Variants in SPRED2 observed in about 807,000 individuals in gnomAD.
SPRED2 encodes sprouty related EVH1 domain containing 2.
Under a neutral mutation model 43.0 loss-of-function variants are expected in SPRED2, and 47 were observed. The observed-to-expected ratio is 1.09, with a 90% CI of 0.87 to 1.40. The LOEUF is 1.40. Ranked by LOEUF, SPRED2 falls within the 40% of genes most tolerant of loss-of-function variation. SPRED2 has a pLI of 0.00. For missense variants in SPRED2, 561 were observed against 586.4 expected, an observed-to-expected ratio of 0.96 and a Z score of 0.45; for synonymous variants, 225 against 225.7, an observed-to-expected ratio of 1.00 and a Z score of 0.03.
At chr2:65,348,444 C>CG (rs1674413483) in intron 1 of SPRED2, among the ~76,000 whole-genome samples, 1 of 150,332 alleles carries the variant, frequency 6.7e-6, no homozygotes, top group African/African-American at 2.5e-5. Context: ...AGAATGGTGT[C>CG]TTATATGTAA....
In SPRED2 at chr2:65,397,637, C is replaced by G. The variant is rs137874943; in HGVS notation, c.26+34325G>C. Among the ~76,000 whole-genome samples, 96 of 146,910 alleles carry G rather than the reference C, an allele frequency of 6.5e-4. 1 individual carries two copies. In the East Asian group the frequency reaches 0.019, roughly 29 times the overall value. ...TTTTTTTTTTTTTTTGCCCTTTACT[C>G]ACAATACAAGGTAACATATGTATAA... is the stretch of plus-strand genomic sequence containing the variant. On this transcript the variant is annotated intron_variant, in intron 1 of 5. Coordinates refer to ENST00000356388, the MANE Select transcript of SPRED2 (RefSeq NM_181784.3).
In SPRED2 at chr2:65,366,844, G is replaced by T. The variant is rs1437790607; in HGVS notation, c.27-21948C>A. On this transcript the variant is annotated intron_variant, in intron 1 of 5. Transcript: ENST00000356388. ...TGTCATTACTCACATTCAACATCCTGCTTCTCAAAAGTGGAAACTGGAAGC... is the reference window on the plus strand; with the variant it reads ...TGTCATTACTCACATTCAACATCCTTCTTCTCAAAAGTGGAAACTGGAAGC... The T allele has an allele frequency of 4.2e-6, 5 of 1,190,956 alleles. No homozygotes were observed. The African/African-American group carries it at 7.9e-5, about 19-fold the overall frequency. The allele number at this position is 1,190,956 out of a possible 1,614,324, so 73.8% of individuals were successfully genotyped here.
chr2:65,308,261 C>T (rs1672981928), downstream of SPRED2: 1 of 970,652 alleles, frequency 1.0e-6, no homozygotes, highest in Admixed American at 6.2e-5. Flanking sequence ...AGGGCAAGTG[C>T]CACTGAGCAG....
intron 1 of SPRED2, among the ~76,000 whole-genome samples, chr2:65,405,697 G>C (rs756642891): frequency 6.6e-6 from 1 of 152,132 alleles, no homozygotes; most frequent in Non-Finnish European, 1.5e-5. Context: ...TCTTTTCTGT[G>C]ATTACACCTC....
chr2:65,316,678 T>C, intron 5 of SPRED2, 56 bp downstream of exon 5: 3 of 1,559,526 alleles, frequency 1.9e-6, no homozygotes, highest in Non-Finnish European at 2.6e-6. Context: ...AAAGAGGCCA[T>C]TCCAGAATCA....
At chr2:65,364,051 G>A (rs912147770) in intron 1 of SPRED2, among the ~76,000 whole-genome samples, 3 of 152,078 alleles carry the variant, frequency 2.0e-5, no homozygotes, top group African/African-American at 7.2e-5. Flanking sequence ...AGAAGACATG[G>A]CCACCAAAAC....
intron 1 of SPRED2, among the ~76,000 whole-genome samples, chr2:65,360,217 A>C (rs1444641966): frequency 2.0e-5 from 3 of 152,068 alleles, no homozygotes; most frequent in East Asian, 3.9e-4. Flanking sequence ...CCTCGACTTA[A>C]TGTTGGTCAA....
intron 1 of SPRED2, among the ~76,000 whole-genome samples, chr2:65,406,468 A>T (rs1676025840): frequency 6.6e-6 from 1 of 152,212 alleles, no homozygotes; most frequent in African/African-American, 2.4e-5. Flanking sequence ...CTGTGCACAC[A>T]AGTTTGTTTG....
intron 5 of SPRED2, among the ~76,000 whole-genome samples, chr2:65,316,297 C>T (rs968755418): frequency 2.6e-5 from 4 of 152,226 alleles, no homozygotes; most frequent in Non-Finnish European, 5.9e-5. Flanking sequence ...TGCAGCATTC[C>T]TTAGTCCTGA....
At chr2:65,339,458 T>C (rs1247746673) in intron 2 of SPRED2, among the ~76,000 whole-genome samples, 2 of 151,392 alleles carry the variant, frequency 1.3e-5, no homozygotes, top group Non-Finnish European at 2.9e-5. Flanking sequence ...ACATGTGCTG[T>C]GTCCACTCAG....
At chr2:65,361,297 G>A (rs1351355361) in intron 1 of SPRED2, among the ~76,000 whole-genome samples, 3 of 152,160 alleles carry the variant, frequency 2.0e-5, no homozygotes, top group Non-Finnish European at 4.4e-5. Context: ...TTTGTTCCTT[G>A]GGGTACCAGG....
At chr2:65,368,221 A>G (rs1675034222) in intron 1 of SPRED2, among the ~76,000 whole-genome samples, 1 of 152,176 alleles carries the variant, frequency 6.6e-6, no homozygotes, top group South Asian at 2.1e-4. Flanking sequence ...GACCCTGTCT[A>G]ATAGGACTTC....
intron 1 of SPRED2, among the ~76,000 whole-genome samples, chr2:65,427,110 C>A (rs923268695): frequency 6.6e-6 from 1 of 151,986 alleles, no homozygotes; most frequent in Non-Finnish European, 1.5e-5. Flanking sequence ...GTCACTCTGT[C>A]GCCCAGGCTA....
chr2:65,338,950 GC>G (rs1413467072), intron 2 of SPRED2, among the ~76,000 whole-genome samples: 6 of 151,948 alleles, frequency 3.9e-5, no homozygotes, highest in East Asian at 1.9e-4. Context: ...CTGCCCCGCC[GC>G]CCCGTCCGGG....
intron 4 of SPRED2, among the ~76,000 whole-genome samples, chr2:65,322,270 CTATATATA>C (rs68086040): frequency 5.5e-5 from 2 of 36,472 alleles, no homozygotes; most frequent in East Asian, 1.0e-3. Flanking sequence ...CTCTCTCTCT[CTATATATA>C]TATATATATA....
At chr2:65,347,669 A>G (rs1022699487) in intron 1 of SPRED2, among the ~76,000 whole-genome samples, 28 of 152,020 alleles carry the variant, frequency 1.8e-4, no homozygotes, top group African/African-American at 6.5e-4. Flanking sequence ...CCTTCTACAT[A>G]CCAACAGTGC....
chr2:65,418,807 A>G (rs7574025), intron 1 of SPRED2, among the ~76,000 whole-genome samples: 102,435 of 151,868 alleles, frequency 0.67, 35,060 homozygotes, highest in African/African-American at 0.76. Flanking sequence ...TGCCCACCTC[A>G]GCCTCCCAAA....
intron 4 of SPRED2, among the ~76,000 whole-genome samples, chr2:65,320,196 T>C (rs182698162): frequency 6.6e-6 from 1 of 152,332 alleles, no homozygotes; most frequent in Non-Finnish European, 1.5e-5. Context: ...CAGTCATCTA[T>C]TAGGTTAGAA....
chr2:65,423,852 C>T (rs573093879), intron 1 of SPRED2, among the ~76,000 whole-genome samples: 4 of 151,746 alleles, frequency 2.6e-5, no homozygotes, highest in African/African-American at 4.8e-5. Context: ...CTGCTTAGCA[C>T]GATCTCTGCT....
Sources: allele counts gnomAD v4.1 joint callset (sites outside exome capture counted in the v4.1 genomes callset), GRCh38; gene constraint gnomAD v4.1.1; transcripts MANE v1.5; gene names NCBI Gene and HGNC (gene_info 2026-07-23, HGNC 2026-07-21).